The following LMO1 variants were observed in gnomAD, a reference collection of about 807,000 sequenced individuals.
LMO1 encodes the protein LIM domain only 1.
In LMO1, 10 loss-of-function variants were observed where a neutral mutation model predicts 18.0. The ratio of observed to expected loss-of-function variants is 0.55; its 90% CI spans 0.34 to 0.94. The LOEUF is 0.94. LMO1 is among the 40% of genes least tolerant of loss of function. LMO1 has a pLI of 0.02. For missense variants in LMO1, 183 were observed against 205.7 expected (o/e 0.89, Z 0.68); for synonymous variants, 77 against 77.9 (o/e 0.99, Z 0.06).
intron 1 of LMO1, among the ~76,000 whole-genome samples, chr11:8,246,841 G>A (rs546519797): frequency 1.3e-5 from 2 of 151,902 alleles, no homozygotes; most frequent in African/African-American, 2.4e-5. Flanking sequence ...CAGGTGGGGG[G>A]ACCTGGGAGG....
At chr11:8,230,852 T>C (rs148347036) in intron 1 of LMO1, among the ~76,000 whole-genome samples, 294 of 152,314 alleles carry the variant, frequency 1.9e-3, no homozygotes, top group East Asian at 0.014. Flanking sequence ...GAAGCTCGTC[T>C]TGTGAAGCCA....
At position 8,230,278 on chromosome 11, in the gene LMO1, T is replaced by C. The variant is rs1952630124; in HGVS notation, c.239+13A>G. Reference sequence around the variant, plus strand: ...AGGACAAGGGCTTGGGAGGCCAGGGTTTGGCAGCCCACCTCAGGTAGTCGC... The same window carrying C: ...AGGACAAGGGCTTGGGAGGCCAGGGCTTGGCAGCCCACCTCAGGTAGTCGC... On this transcript the variant is annotated intron_variant, in intron 2 of 3. Transcript: ENST00000335790. 6.2e-7 allele frequency: 1 copy of C among 1,612,114 alleles called. No homozygotes were observed. The highest frequency in any genetic ancestry group is 8.5e-7 in the Non-Finnish European group (1 of 1,179,378).
At chr11:8,253,124 C>A (rs986056631) in intron 1 of LMO1, among the ~76,000 whole-genome samples, 2 of 152,198 alleles carry the variant, frequency 1.3e-5, no homozygotes, top group Non-Finnish European at 2.9e-5. Context: ...CTGTCTCCAA[C>A]TGCCCTACCC....
chr11:8,226,817 C>T (rs993801312), intron 3 of LMO1, 158 bp downstream of exon 3: 20 of 1,351,784 alleles, frequency 1.5e-5, no homozygotes, highest in Non-Finnish European at 1.8e-5. Flanking sequence ...ACACATAAAA[C>T]ACATAAAGCA....
chr11:8,267,884 C>G (rs546819486), upstream of LMO1, among the ~76,000 whole-genome samples: 2 of 152,348 alleles, frequency 1.3e-5, no homozygotes, highest in South Asian at 4.1e-4. Flanking sequence ...AGACAATTGT[C>G]AGCCATCCCG....
intron 2 of LMO1, among the ~76,000 whole-genome samples, chr11:8,230,067 T>C (rs1952624449): frequency 1.3e-5 from 2 of 152,336 alleles, no homozygotes; most frequent in African/African-American, 2.4e-5. Flanking sequence ...ATGCCTGCCC[T>C]GGACTTGTGC....
intron 1 of LMO1, 115 bp downstream of exon 1, chr11:8,263,223 C>T: frequency 2.0e-6 from 2 of 988,112 alleles, no homozygotes; most frequent in Non-Finnish European, 2.7e-6. Context: ...CCGCCCGCCC[C>T]GCAATCCCCG....
In LMO1 at chr11:8,263,401, G is replaced by C. The variant is rs750432809; in HGVS notation, c.-39C>G. 42 of 1,596,014 alleles carry C rather than the reference G, an allele frequency of 2.6e-5. No homozygotes were observed. Among genetic ancestry groups the C allele is most frequent in the Middle Eastern group, 1.7e-4 (1 of 6,056 alleles). On this transcript the variant is annotated 5_prime_UTR_variant, in exon 1 of 4. Transcript: ENST00000335790. ...TGTCCAGCCGCAGCTAGGCTCGGCC[G>C]GGAGAAGGGCGCCGACTCGGGGCGC...
rs370883676 is a variant in LMO1 at position 8,232,191 on chromosome 11, G to C, written c.26-1687C>G. The stretch of plus-strand genomic sequence containing the variant: ...TCCTCCTTCTCCTCCCTGCAGTCCC[G>C]GCAGGGCCTGTCTGTTAGCTGGTGA... On this transcript the variant is annotated intron_variant, in intron 1 of 3. Coordinates refer to ENST00000335790, the MANE Select transcript of LMO1 (RefSeq NM_002315.3). 3.3e-5 allele frequency among the ~76,000 whole-genome samples: 5 copies of C among 152,234 alleles called. No homozygotes were observed. In the East Asian group the frequency reaches 7.8e-4, roughly 24 times the overall value.
At position 8,263,383 on chromosome 11, in the gene LMO1, C is replaced by T. The variant is rs771384719; in HGVS notation, c.-21G>A. ...ATCATCTCGGGCGCTCCGTGTCCAG[C>T]CGCAGCTAGGCTCGGCCGGGAGAAG... On this transcript the variant is annotated 5_prime_UTR_variant, in exon 1 of 4. Coordinates refer to ENST00000335790, the MANE Select transcript of LMO1 (RefSeq NM_002315.3). 2 of 1,602,460 alleles carry T rather than the reference C, an allele frequency of 1.2e-6. No homozygotes were observed. Among genetic ancestry groups the T allele is most frequent in the East Asian group, 2.3e-5 (1 of 44,332 alleles).
intron 1 of LMO1, among the ~76,000 whole-genome samples, chr11:8,245,336 G>A (rs2061038): frequency 0.11 from 17,161 of 152,054 alleles, 1,494 homozygotes; most frequent in African/African-American, 0.24. Flanking sequence ...CTCTGCCATC[G>A]ACCCATATTG....
intron 2 of LMO1, 85 bp downstream of exon 2, chr11:8,230,206 C>T: frequency 2.4e-6 from 3 of 1,239,110 alleles, no homozygotes; most frequent in Non-Finnish European, 3.5e-6. Context: ...GGGTCTAGGG[C>T]CGGGGGCACA....
intron 2 of LMO1, among the ~76,000 whole-genome samples, chr11:8,228,652 C>CAAA (rs34483450): frequency 7.4e-6 from 1 of 135,814 alleles, no homozygotes; most frequent in Non-Finnish European, 1.6e-5. Context: ...TCTGCCAGAG[C>CAAA]AAAAAAAAAA....
At chr11:8,263,004 G>T (rs1432715413) in intron 1 of LMO1, among the ~76,000 whole-genome samples, 1 of 152,134 alleles carries the variant, frequency 6.6e-6, no homozygotes, top group African/African-American at 2.4e-5. Flanking sequence ...GCGAACCTCC[G>T]CGGCGCGGAG....
intron 2 of LMO1, among the ~76,000 whole-genome samples, chr11:8,229,024 A>G (rs1325929423): frequency 1.3e-5 from 2 of 151,412 alleles, no homozygotes; most frequent in African/African-American, 4.9e-5. Flanking sequence ...AGTAGTTGGG[A>G]CTACAGGCAT....
intron 1 of LMO1, among the ~76,000 whole-genome samples, chr11:8,262,948 T>TGATGGCTGCGGTGAGAGC (rs1475327919): frequency 1.3e-5 from 2 of 151,978 alleles, no homozygotes; most frequent in Non-Finnish European, 2.9e-5. Flanking sequence ...GGCGCGAGGG[T>TGATGGCTGCGGTGAGAGC]GATGGCTGCG....
chr11:8,235,321 T>C (rs1952743349), intron 1 of LMO1, among the ~76,000 whole-genome samples: 2 of 152,224 alleles, frequency 1.3e-5, no homozygotes, highest in South Asian at 4.1e-4. Context: ...CCTCCATCTT[T>C]CTACCTACTT....
At position 8,230,311 on chromosome 11, in the gene LMO1, C is replaced by G. The variant is rs1292250762; in HGVS notation, c.219G>C (p.Leu73=). 6.2e-7 allele frequency: 1 copy of G among 1,613,846 alleles called. No individual in the cohort carries two copies. The highest frequency in any genetic ancestry group is 1.7e-5 in the Admixed American group (1 of 60,026). ...STLYTKANLI[L]CRRDYLRLFG... ...CCCACCTCAGGTAGTCGCGTCGGCACAGGATGAGGTTGGCCTTGGTGTAGA... is the reference window on the plus strand; with the variant it reads ...CCCACCTCAGGTAGTCGCGTCGGCAGAGGATGAGGTTGGCCTTGGTGTAGA... Residue 73 remains leucine (L), a synonymous_variant, in exon 2 of 4, where the codon CTG becomes CTC. Transcript: ENST00000335790.
At chr11:8,226,672 A>G (rs1952548072) in intron 3 of LMO1, among the ~76,000 whole-genome samples, 1 of 152,174 alleles carries the variant, frequency 6.6e-6, no homozygotes, top group South Asian at 2.1e-4. Flanking sequence ...CCAAATACAC[A>G]TGCATGCACA....
Sources: gnomAD v4.1 joint callset for allele counts (sites outside exome capture counted in the v4.1 genomes callset) on GRCh38, gnomAD v4.1.1 for gene constraint, MANE v1.5 for transcripts, NCBI Gene and HGNC (gene_info 2026-07-23, HGNC 2026-07-21) for gene names.